Variants in TUT4 observed in about 807,000 individuals in gnomAD.
TUT4 encodes terminal uridylyltransferase 4.
Under a neutral mutation model 192.2 loss-of-function variants are expected in TUT4, and 36 were observed. The observed-to-expected ratio is 0.19, with a 90% CI of 0.14 to 0.25. The LOEUF (loss-of-function observed/expected upper bound fraction) is 0.25. Ranked by LOEUF, TUT4 falls within the 10% of genes least tolerant of loss-of-function variation. The pLI is 1.00. For synonymous variants in TUT4, 618 were observed against 666.0 expected (o/e 0.93, Z 1.11); for missense variants, 1,493 against 1,957.2 (o/e 0.76, Z 4.47).
At chr1:52,525,247 C>T (rs895322102) in intron 2 of TUT4, among the ~76,000 whole-genome samples, 2 of 152,198 alleles carry the variant, frequency 1.3e-5, no homozygotes, top group East Asian at 1.9e-4. Flanking sequence ...ATGAGCAATA[C>T]CTTATCAAGA....
At chr1:52,539,100 G>A (rs574280548) in intron 1 of TUT4, among the ~76,000 whole-genome samples, 1 of 152,146 alleles carries the variant, frequency 6.6e-6, no homozygotes, top group Admixed American at 6.5e-5. Flanking sequence ...AAAGGATAAA[G>A]CCAAAAAGAG....
chr1:52,469,779 A>T (rs1665192551), intron 14 of TUT4, among the ~76,000 whole-genome samples: 1 of 151,346 alleles, frequency 6.6e-6, no homozygotes, highest in Non-Finnish European at 1.5e-5. Context: ...AGTCCCAGCT[A>T]CTCGGGAGGC....
At chr1:52,424,136 A>G in intron 29 of TUT4, 134 bp from the exon 30 acceptor site, 1 of 842,052 alleles carries the variant, frequency 1.2e-6, no homozygotes, top group Non-Finnish European at 1.8e-6. Context: ...GCTGCAAAAC[A>G]TTTGAGAGGG....
At chr1:52,482,215 T>C (rs1668649099) in intron 9 of TUT4, among the ~76,000 whole-genome samples, 2 of 152,236 alleles carry the variant, frequency 1.3e-5, no homozygotes, top group African/African-American at 4.8e-5. Flanking sequence ...ATCTTGCCTC[T>C]ACTTCTACTT....
At chr1:52,530,938 G>C (rs1435476980) in intron 1 of TUT4, among the ~76,000 whole-genome samples, 1 of 152,106 alleles carries the variant, frequency 6.6e-6, no homozygotes. Flanking sequence ...AGGAGGGAGA[G>C]GTTGCAGTGA....
chr1:52,532,686 A>G (rs983071004), intron 1 of TUT4, among the ~76,000 whole-genome samples: 32 of 152,148 alleles, frequency 2.1e-4, no homozygotes, highest in African/African-American at 7.7e-4. Context: ...AAAAACATAC[A>G]TAACTGTGCA....
chr1:52,463,854 A>G, intron 16 of TUT4: 3 of 1,202,192 alleles, frequency 2.5e-6, no homozygotes, highest in Non-Finnish European at 3.3e-6. Flanking sequence ...TGCTCCTGGC[A>G]TCTCACGGTG....
chr1:52,440,432 T>TG (rs1449429437), intron 24 of TUT4, among the ~76,000 whole-genome samples: 1 of 138,704 alleles, frequency 7.2e-6, no homozygotes, highest in Non-Finnish European at 1.5e-5. Context: ...GCCCATCCTG[T>TG]GTTTTTTTTT....
chr1:52,499,135 A>G (rs1673410130), intron 4 of TUT4, among the ~76,000 whole-genome samples: 1 of 151,600 alleles, frequency 6.6e-6, no homozygotes, highest in South Asian at 2.1e-4. Flanking sequence ...CAGGTAGCCC[A>G]CACCTGTAAT....
At chr1:52,491,360 G>A (rs1671095120) in intron 7 of TUT4, among the ~76,000 whole-genome samples, 1 of 152,092 alleles carries the variant, frequency 6.6e-6, no homozygotes, top group Non-Finnish European at 1.5e-5. Context: ...ATCTCCAAGG[G>A]TAAGCCCCAT....
At chr1:52,447,119 T>C (rs983378418) in intron 20 of TUT4, among the ~76,000 whole-genome samples, 7 of 152,142 alleles carry the variant, frequency 4.6e-5, no homozygotes, top group African/African-American at 1.7e-4. Context: ...CTATATCAGA[T>C]AAGGCTAAAA....
intron 1 of TUT4, among the ~76,000 whole-genome samples, chr1:52,530,063 G>A (rs753486792): frequency 3.9e-5 from 6 of 152,064 alleles, no homozygotes; most frequent in African/African-American, 9.6e-5. Flanking sequence ...GGCTGGTTTC[G>A]AAGCCCTGAG....
chr1:52,546,583 T>A (rs1403339064), intron 1 of TUT4, among the ~76,000 whole-genome samples: 2 of 152,076 alleles, frequency 1.3e-5, no homozygotes, highest in African/African-American at 4.8e-5. Flanking sequence ...TTTTATAAGA[T>A]GAAAAGGGTT....
At chr1:52,509,431 T>C (rs920998804) in intron 4 of TUT4, among the ~76,000 whole-genome samples, 165 bp downstream of exon 4, 1 of 152,236 alleles carries the variant, frequency 6.6e-6, no homozygotes, top group Non-Finnish European at 1.5e-5. Context: ...GGTTCCTTCC[T>C]GATTATCTCA....
At chr1:52,550,951 CTT>C (rs1362405166) in intron 1 of TUT4, among the ~76,000 whole-genome samples, 1 of 152,154 alleles carries the variant, frequency 6.6e-6, no homozygotes, top group African/African-American at 2.4e-5. Flanking sequence ...TCAAGATTAA[CTT>C]TGAGATAAAA....
Position 52,431,508 on chromosome 1 carries a change from A to G in TUT4, c.4264-48T>C, listed in dbSNP as rs1030331206. 4 of 1,296,462 alleles carry G rather than the reference A, an allele frequency of 3.1e-6. No homozygotes were observed. The Admixed American group carries it at 8.8e-5, about 28-fold the overall frequency. The allele number at this position is 1,296,462 out of a possible 1,614,324, so 80.3% of individuals were successfully genotyped here. ...TTTTAATTAATTTATAAACATCTTAATTTTATAAAAGTAGAGATAAAATAC... is the reference window on the plus strand; with the variant it reads ...TTTTAATTAATTTATAAACATCTTAGTTTTATAAAAGTAGAGATAAAATAC... On this transcript the variant is annotated intron_variant, in intron 27 of 29. Transcript: ENST00000257177.
chr1:52,511,315 GAATT>G (rs1448423709), intron 3 of TUT4, among the ~76,000 whole-genome samples: 2 of 152,152 alleles, frequency 1.3e-5, no homozygotes, highest in East Asian at 3.8e-4. Flanking sequence ...ACTGGAGAAT[GAATT>G]AAGTCCTCAA....
At chr1:52,482,941 A>G (rs1337590937) in intron 9 of TUT4, among the ~76,000 whole-genome samples, 2 of 152,192 alleles carry the variant, frequency 1.3e-5, no homozygotes, top group Non-Finnish European at 2.9e-5. Flanking sequence ...TTAAAAAATG[A>G]GTGATATATT....
chr1:52,525,900 T>C lies in TUT4; in HGVS notation c.381A>G (p.Lys127=). The change falls in exon 2 of 30, where the codon AAA becomes AAG. Residue 127 remains lysine, a synonymous_variant. Transcript: ENST00000257177. ...KSEKATSLQA[K]AEKSPKSPNS... ...TAGGTGACTTTGGTGATTTTTCTGC[T>C]TTTGCCTGTAAACTGGTTGCCTTTT... The C allele has an allele frequency of 1.2e-6, 2 of 1,614,114 alleles. No homozygotes were observed. The highest frequency in any genetic ancestry group is 1.7e-6 in the Non-Finnish European group (2 of 1,180,004).
Sources: gnomAD v4.1 joint callset for allele counts (sites outside exome capture counted in the v4.1 genomes callset) on GRCh38, gnomAD v4.1.1 for gene constraint, MANE v1.5 for transcripts, NCBI Gene and HGNC (gene_info 2026-07-23, HGNC 2026-07-21) for gene names.